ATP2A2: variants seen among roughly 807,000 people sequenced by gnomAD.
ATP2A2 encodes sarcoplasmic/endoplasmic reticulum calcium ATPase 2.
ATP2A2 carries 14 observed loss-of-function variants against 109.3 expected under a neutral mutation model. The ratio of observed to expected loss-of-function variants is 0.13; its 90% CI spans 0.08 to 0.20. The LOEUF is 0.20. Among genes scored for constraint, ATP2A2 ranks in the 10% least tolerant of loss-of-function variants. The pLI is 1.00. For synonymous variants in ATP2A2, 506 were observed against 490.9 expected (o/e 1.03, Z -0.41); for missense variants, 657 against 1,321.6 (o/e 0.50, Z 7.80).
rs577628235 is a variant in ATP2A2 at position 110,305,831 on chromosome 12, G to A, written c.463+9094G>A. 1.0e-4 allele frequency among the ~76,000 whole-genome samples: 15 copies of A among 150,256 alleles called. 1 individual carries two copies. In the South Asian group the frequency reaches 1.9e-3, roughly 19 times the overall value. ...ATAGATGAGTTTGGGAAATATGGTCGTAATATCAAGTCTTTGGATCCATGA... is the reference window on the plus strand; with the variant it reads ...ATAGATGAGTTTGGGAAATATGGTCATAATATCAAGTCTTTGGATCCATGA... On this transcript the variant is annotated intron_variant, in intron 5 of 19. Transcript: ENST00000539276.
intron 3 of ATP2A2, among the ~76,000 whole-genome samples, chr12:110,283,163 C>G (rs1021274672): frequency 3.3e-5 from 5 of 152,196 alleles, no homozygotes; most frequent in African/African-American, 1.2e-4. Flanking sequence ...ATGTTGGACT[C>G]TTTGTAGTCT....
At chr12:110,287,913 G>T (rs1592790113) in intron 3 of ATP2A2, among the ~76,000 whole-genome samples, 1 of 151,882 alleles carries the variant, frequency 6.6e-6, no homozygotes, top group Admixed American at 6.6e-5. Flanking sequence ...ACCTCACCCA[G>T]CCCAGATAAT....
chr12:110,298,502 G>A (rs1874207659), intron 5 of ATP2A2, among the ~76,000 whole-genome samples: 1 of 152,178 alleles, frequency 6.6e-6, no homozygotes, highest in South Asian at 2.1e-4. Flanking sequence ...GGCAGATCAT[G>A]AGGTCAAGAG....
At chr12:110,330,745 T>C (rs1286556691) in intron 8 of ATP2A2, 1 of 152,236 alleles carries the variant, frequency 6.6e-6, no homozygotes, top group Non-Finnish European at 1.5e-5. Context: ...AACAGGAAGC[T>C]GGTGCTAATT....
chr12:110,303,444 C>T (rs1324657842), intron 5 of ATP2A2, among the ~76,000 whole-genome samples: 2 of 151,854 alleles, frequency 1.3e-5, no homozygotes, highest in Non-Finnish European at 2.9e-5. Flanking sequence ...ACGAGTCTCG[C>T]TCTGTTGCCA....
intron 8 of ATP2A2, 139 bp downstream of exon 8, chr12:110,328,156 A>G: frequency 3.4e-6 from 3 of 870,474 alleles, no homozygotes; most frequent in Non-Finnish European, 5.4e-6. Flanking sequence ...TTAATTTCTA[A>G]TATTTGAGAG....
rs746019366 is a variant in ATP2A2, at chr12:110,343,380, C to T, written c.2467C>T (p.Pro823Ser). Residue 823 changes from proline to serine, a missense_variant, in exon 16 of 20, where the codon CCA becomes TCA. Around this residue, in one of 9 missense-constraint regions of ATP2A2, gnomAD observed 125 missense variants for 243.5 expected, o/e 0.51. Coordinates refer to ENST00000539276, the MANE Select transcript of ATP2A2 (RefSeq NM_170665.4). The stretch of plus-strand genomic sequence containing the variant: ...CATCATGAATAAACCTCCCCGGAAC[C>T]CAAAGGAACCATTGATCAGCGGGTG... ...LDIMNKPPRN[P>S]KEPLISGWLF... The T allele has an allele frequency of 1.2e-6, 2 of 1,614,044 alleles. No homozygotes were observed. The highest frequency in any genetic ancestry group is 2.2e-5 in the East Asian group (1 of 44,898).
intron 5 of ATP2A2, among the ~76,000 whole-genome samples, chr12:110,305,821 A>T (rs561087536): frequency 6.6e-6 from 1 of 152,022 alleles, no homozygotes; most frequent in East Asian, 1.9e-4. Flanking sequence ...TGAGTTTGGG[A>T]AATATGGTCG....
At position 110,346,709 on chromosome 12, in the gene ATP2A2, T is replaced by A. The variant is rs745403735; in HGVS notation, c.*239T>A. 5.3e-4 allele frequency: 723 copies of A among 1,376,236 alleles called. 1 individual carries two copies. The highest frequency in any genetic ancestry group is 6.6e-4 in the Non-Finnish European group (702 of 1,065,416). 85.3% of individuals were successfully genotyped at this position (1,376,236 alleles called of 1,614,324 possible). A position where few individuals can be genotyped will look rare whatever the true frequency, so the allele number is the denominator to read the frequency against. On this transcript the variant is annotated 3_prime_UTR_variant, in exon 20 of 20. Coordinates refer to ENST00000539276, the MANE Select transcript of ATP2A2 (RefSeq NM_170665.4). Reference sequence around the variant, plus strand: ...GAACTAACACTATTTTATGCAAATATTTTTTTGTAGATGAAAAAGCATGTA... The same window carrying A: ...GAACTAACACTATTTTATGCAAATAATTTTTTGTAGATGAAAAAGCATGTA...
Position 110,339,433 on chromosome 12 carries a change from T to C in ATP2A2, c.1542+30T>C, listed in dbSNP as rs1020272778. On this transcript the variant is annotated intron_variant, in intron 12 of 19. Transcript: ENST00000539276. This position sits in a 1 kb window ranked among gnomAD's most constrained non-coding sequence, Gnocchi z 4.4. ...GTATGGCAGATTGCAATTGAGATGT[T>C]CTTGCCAGGGTTAAGATCCCGGTGA... 1 of 1,614,094 alleles carries C rather than the reference T, an allele frequency of 6.2e-7. No homozygotes were observed. The highest frequency in any genetic ancestry group is 1.3e-5 in the African/African-American group (1 of 74,940).
intron 5 of ATP2A2, among the ~76,000 whole-genome samples, chr12:110,303,503 C>T (rs373636477): frequency 2.0e-5 from 3 of 152,156 alleles, no homozygotes; most frequent in Admixed American, 6.6e-5. Flanking sequence ...CTCCGACTCC[C>T]TGGTTCAAGC....
rs1417192590 is a variant in ATP2A2, at chr12:110,340,684, T to C, written c.1787T>C (p.Val596Ala). 6.2e-7 allele frequency: 1 copy of C among 1,614,210 alleles called. No individual in the cohort carries two copies. Among genetic ancestry groups the C allele is most frequent in the Non-Finnish European group, 8.5e-7 (1 of 1,180,026 alleles). The part of the protein sequence containing the change: ...YETNLTFVGC[V>A]GMLDPPRIEV... ...ACCAATCTGACCTTCGTTGGCTGCGTGGGCATGCTGGATCCTCCGAGAATC... is the reference window on the plus strand; with the variant it reads ...ACCAATCTGACCTTCGTTGGCTGCGCGGGCATGCTGGATCCTCCGAGAATC... Residue 596 changes from valine to alanine, a missense_variant, in exon 14 of 20, where the codon GTG (valine) becomes GCG (alanine). Transcript: ENST00000539276. This position sits in a 1 kb window ranked among gnomAD's most constrained non-coding sequence, Gnocchi z 6.0.
In ATP2A2 at chr12:110,350,332, T is replaced by C. The variant is rs1592875806; in HGVS notation, c.*3862T>C. On this transcript the variant is annotated 3_prime_UTR_variant, in exon 20 of 20. Transcript: ENST00000539276. ...CGCTTCCTAAACCATTTTGCAGAAA[T>C]GTAAGGGTGTTCGGTTGCGTGCATG... is the stretch of plus-strand genomic sequence containing the variant. 6.2e-7 allele frequency: 1 copy of C among 1,614,168 alleles called. No individual in the cohort carries two copies. Among genetic ancestry groups the C allele is most frequent in the Non-Finnish European group, 8.5e-7 (1 of 1,180,032 alleles).
chr12:110,318,170 C>T lies in ATP2A2; in HGVS notation c.464-4822C>T, dbSNP rs202104793. Among the ~76,000 whole-genome samples the T allele has an allele frequency of 2.9e-4, 44 of 152,302 alleles. No individual in the cohort carries two copies. In the East Asian group the frequency reaches 8.3e-3, roughly 29 times the overall value. ...TCCTTTGTCTGAAATTCACAGAAGC[C>T]TCTCCAGACAAAGGGAAATTGTTGT... On this transcript the variant is annotated intron_variant, in intron 5 of 19. Transcript: ENST00000539276.
intron 4 of ATP2A2, among the ~76,000 whole-genome samples, chr12:110,294,741 T>A (rs1873782480): frequency 6.6e-6 from 1 of 152,202 alleles, no homozygotes; most frequent in South Asian, 2.1e-4. Context: ...TGTGGCCTTC[T>A]GAAAGTAAGG....
upstream of ATP2A2, chr12:110,280,834 A>G (rs1198221465): frequency 6.6e-6 from 1 of 152,272 alleles, no homozygotes; most frequent in Non-Finnish European, 1.5e-5. Context: ...AGCCAAGGAC[A>G]TCAGCCCGAG....
At chr12:110,286,325 T>C (rs2137684295) in intron 3 of ATP2A2, among the ~76,000 whole-genome samples, 1 of 152,338 alleles carries the variant, frequency 6.6e-6, no homozygotes, top group South Asian at 2.1e-4. Context: ...CAGAAGAGAA[T>C]ACTCAAAGCA....
chr12:110,311,747 A>G (rs905060695), intron 5 of ATP2A2, among the ~76,000 whole-genome samples: 6 of 151,786 alleles, frequency 4.0e-5, no homozygotes, highest in African/African-American at 1.4e-4. Flanking sequence ...AAAAAAAAAA[A>G]AAGGTGTTGG....
chr12:110,339,663 A>C lies in ATP2A2; in HGVS notation c.1703A>C (p.Asn568Thr), dbSNP rs756068136. Residue 568 changes from asparagine to threonine, a missense_variant, in exon 13 of 20, where the codon AAC becomes ACC. Asn to Thr is a moderately conservative substitution (Grantham distance 65, BLOSUM62 0). Coordinates refer to ENST00000539276, the MANE Select transcript of ATP2A2 (RefSeq NM_170665.4). The surrounding 1 kb of genome is among the most constrained non-coding windows in gnomAD (Gnocchi z 4.4). Reference sequence around the variant, plus strand: ...TGCCTGGCCCTGGCCACTCATGACAACCCACTGAGAAGAGAAGAAATGCAC... The same window carrying C: ...TGCCTGGCCCTGGCCACTCATGACACCCCACTGAGAAGAGAAGAAATGCAC... ...LRCLALATHDNPLRREEMHLE... is the reference protein window; with the variant it reads ...LRCLALATHDTPLRREEMHLE... The C allele has an allele frequency of 6.2e-7, 1 of 1,614,158 alleles. No individual in the cohort carries two copies. Among genetic ancestry groups the C allele is most frequent in the South Asian group, 1.1e-5 (1 of 91,080 alleles).
Sources: gnomAD v4.1 joint callset for allele counts (sites outside exome capture counted in the v4.1 genomes callset) on GRCh38, gnomAD v4.1.1 for gene constraint, gnomAD v4.1.1 regional missense constraint, Gnocchi (gnomAD v3.1) non-coding constraint, MANE v1.5 for transcripts, NCBI Gene and HGNC (gene_info 2026-07-23, HGNC 2026-07-21) for gene names.